WARS2: variants seen among roughly 807,000 people sequenced by gnomAD.
WARS2 encodes the protein tryptophan--tRNA ligase, mitochondrial.
WARS2 carries 28 observed loss-of-function variants against 36.5 expected under a neutral mutation model. That is an observed-to-expected ratio of 0.77 (90% CI 0.57 to 1.05). The LOEUF (loss-of-function observed/expected upper bound fraction) is 1.05. WARS2 is among the 50% of genes least tolerant of loss of function. The pLI, the probability that WARS2 is intolerant of heterozygous loss-of-function variation, is 0.00. For missense variants in WARS2, 435 were observed against 456.8 expected, an observed-to-expected ratio of 0.95 and a Z score of 0.44; for synonymous variants, 174 against 178.4, an observed-to-expected ratio of 0.98 and a Z score of 0.20.
intron 1 of WARS2, chr1:119,084,871 A>T (rs587686326): frequency 3.6e-6 from 1 of 281,550 alleles, no homozygotes; most frequent in South Asian, 4.2e-5. Flanking sequence ...AATGACTCTA[A>T]TACTCAAGGA....
At chr1:119,066,444 C>T (rs901481138) in intron 2 of WARS2, among the ~76,000 whole-genome samples, 3 of 138,492 alleles carry the variant, frequency 2.2e-5, no homozygotes, top group Non-Finnish European at 4.5e-5. Flanking sequence ...TGCCATTGCA[C>T]TCCAGCATGG....
intron 1 of WARS2, among the ~76,000 whole-genome samples, chr1:119,115,776 G>A (rs1654921196): frequency 6.6e-6 from 1 of 152,192 alleles, no homozygotes; most frequent in South Asian, 2.1e-4. Context: ...AATATCTGAT[G>A]AGTTCTAATC....
intron 1 of WARS2, among the ~76,000 whole-genome samples, chr1:119,096,958 C>T (rs1440377140): frequency 6.6e-6 from 1 of 152,160 alleles, no homozygotes; most frequent in Non-Finnish European, 1.5e-5. Context: ...CTTGCCTCAA[C>T]TGGTAAACTC....
intron 1 of WARS2, among the ~76,000 whole-genome samples, chr1:119,109,467 C>T (rs1385658185): frequency 1.3e-5 from 2 of 151,916 alleles, no homozygotes; most frequent in African/African-American, 2.4e-5. Context: ...TGATAACTTT[C>T]CTTGACATTC....
At chr1:119,049,681 G>T (rs1484146592) in intron 2 of WARS2, among the ~76,000 whole-genome samples, 3 of 152,140 alleles carry the variant, frequency 2.0e-5, no homozygotes, top group African/African-American at 2.4e-5. Flanking sequence ...CCATCTCTTG[G>T]ATGGTAACTC....
intron 2 of WARS2, among the ~76,000 whole-genome samples, chr1:119,049,772 T>G (rs1649180998): frequency 6.6e-6 from 1 of 152,216 alleles, no homozygotes; most frequent in Admixed American, 6.5e-5. Flanking sequence ...TCTAATCCAT[T>G]GGCAAATCTT....
chr1:119,127,169 T>C, intron 1 of WARS2: 1 of 726,316 alleles, frequency 1.4e-6, no homozygotes, highest in Non-Finnish European at 2.5e-6. Context: ...CAGTATTTCT[T>C]ATATTGAACA....
Position 119,126,697 on chromosome 1 carries a change from T to G in WARS2, c.90+13858A>C, listed in dbSNP as rs908572542. 38 of 728,096 alleles carry G rather than the reference T, an allele frequency of 5.2e-5. No homozygotes were observed. The Admixed American group carries it at 6.3e-4, about 12-fold the overall frequency. The allele number at this position is 728,096 out of a possible 1,614,324, so 45.1% of individuals were successfully genotyped here. A position where few individuals can be genotyped will look rare whatever the true frequency, so the allele number is the denominator to read the frequency against. ...GGCTTCCTCAGCATTTTTACTTTTC[T>G]AACGAAGACATCACAGAGAGGATAA... is the stretch of plus-strand genomic sequence containing the variant. On this transcript the variant is annotated intron_variant, in intron 1 of 5. Coordinates refer to ENST00000235521, the MANE Select transcript of WARS2 (RefSeq NM_015836.4).
rs1436955743 is a variant in WARS2, at chr1:119,031,463, G to T, written c.*1448C>A. ...GGAATCTGGGATGGGGCGTTTTGTG[G>T]ATTAACATGTGTTCTGACACAAGGA... On this transcript the variant is annotated 3_prime_UTR_variant, in exon 6 of 6. Coordinates refer to ENST00000235521, the MANE Select transcript of WARS2 (RefSeq NM_015836.4). 6.6e-6 allele frequency: 1 copy of T among 152,190 alleles called. No individual in the cohort carries two copies. The highest frequency in any genetic ancestry group is 1.9e-4 in the East Asian group (1 of 5,204). 9.4% of individuals were successfully genotyped at this position (152,190 alleles called of 1,614,324 possible).
At position 119,053,949 on chromosome 1, in the gene WARS2, C is replaced by T. The variant is rs1470982439; in HGVS notation, c.349-8287G>A. Among the ~76,000 whole-genome samples, 3 of 152,112 alleles carry T rather than the reference C, an allele frequency of 2.0e-5. No individual in the cohort carries two copies. The East Asian group carries it at 5.8e-4, about 29-fold the overall frequency. On this transcript the variant is annotated intron_variant, in intron 2 of 5. Coordinates refer to ENST00000235521, the MANE Select transcript of WARS2 (RefSeq NM_015836.4). ...GTATGTACCTGTAGTCCCAGCTACT[C>T]AGGAGGCTGAGGCAGAAGGATGGCT... is the stretch of plus-strand genomic sequence containing the variant.
At chr1:119,134,605 GA>G (rs1557763026) in intron 1 of WARS2, among the ~76,000 whole-genome samples, 3 of 151,858 alleles carry the variant, frequency 2.0e-5, no homozygotes, top group East Asian at 3.9e-4. Context: ...CTGAACTGGA[GA>G]AAAAAAAGAT....
chr1:119,133,831 G>T (rs1656273952), intron 1 of WARS2, among the ~76,000 whole-genome samples: 1 of 151,904 alleles, frequency 6.6e-6, no homozygotes, highest in South Asian at 2.1e-4. Flanking sequence ...TCATCATCTT[G>T]CAAAACTGGT....
intron 4 of WARS2, among the ~76,000 whole-genome samples, chr1:119,039,182 T>A (rs550665135): frequency 6.6e-6 from 1 of 152,220 alleles, no homozygotes; most frequent in East Asian, 1.9e-4. Context: ...AGATAATGAG[T>A]GTGTAGCAGT....
At chr1:119,050,686 G>GA (rs565535773) in intron 2 of WARS2, among the ~76,000 whole-genome samples, 23 of 151,016 alleles carry the variant, frequency 1.5e-4, no homozygotes, top group Admixed American at 4.0e-4. Context: ...ACTAGTGTGT[G>GA]AAAAAAAACT....
At position 119,050,815 on chromosome 1, in the gene WARS2, T is replaced by C. The variant is rs1021312614; in HGVS notation, c.349-5153A>G. 4.6e-5 allele frequency among the ~76,000 whole-genome samples: 7 copies of C among 152,084 alleles called. No homozygotes were observed. The East Asian group carries it at 5.8e-4, about 13-fold the overall frequency. ...AAACAATTATAAAAAATAGGCTAGA[T>C]TGACACCAAATCCAAGATTTTGGTT... is the stretch of plus-strand genomic sequence containing the variant. On this transcript the variant is annotated intron_variant, in intron 2 of 5. Coordinates refer to ENST00000235521, the MANE Select transcript of WARS2 (RefSeq NM_015836.4).
At chr1:119,113,038 A>T (rs1654746633) in intron 1 of WARS2, among the ~76,000 whole-genome samples, 1 of 152,216 alleles carries the variant, frequency 6.6e-6, no homozygotes, top group Non-Finnish European at 1.5e-5. Flanking sequence ...GTTGAAACAT[A>T]GTTGACTAAG....
intron 1 of WARS2, among the ~76,000 whole-genome samples, chr1:119,118,635 T>C (rs1174092063): frequency 6.6e-6 from 1 of 152,186 alleles, no homozygotes; most frequent in Non-Finnish European, 1.5e-5. Context: ...GTCATCAGTT[T>C]ATCTAAAGTC....
At chr1:119,045,883 AAGT>A (rs2101131178) in intron 2 of WARS2, among the ~76,000 whole-genome samples, 1 of 152,296 alleles carries the variant, frequency 6.6e-6, no homozygotes, top group South Asian at 2.1e-4. Context: ...TCTAGTGTTT[AAGT>A]CTACTCCACA....
At chr1:119,109,802 T>C (rs1469808805) in intron 1 of WARS2, among the ~76,000 whole-genome samples, 1 of 151,958 alleles carries the variant, frequency 6.6e-6, no homozygotes, top group Non-Finnish European at 1.5e-5. Flanking sequence ...TCTGCCTTTT[T>C]TTTGTTCTTA....
Sources: gnomAD v4.1 joint callset for allele counts (sites outside exome capture counted in the v4.1 genomes callset) on GRCh38, gnomAD v4.1.1 for gene constraint, MANE v1.5 for transcripts, NCBI Gene and HGNC (gene_info 2026-07-23, HGNC 2026-07-21) for gene names.